Variants in EPAS1 observed in about 807,000 individuals in gnomAD.
The protein encoded by EPAS1 is endothelial PAS domain-containing protein 1.
A neutral mutation model predicts 87.9 loss-of-function variants in EPAS1; 23 were observed. The ratio of observed to expected loss-of-function variants is 0.26; its 90% confidence interval spans 0.19 to 0.37. The LOEUF is 0.37. EPAS1 is among the 10% of genes least tolerant of loss of function. EPAS1 has a pLI of 1.00. For synonymous variants in EPAS1, 508 were observed against 444.3 expected, an observed-to-expected ratio of 1.14 and a Z score of -1.80; for missense variants, 1,138 against 1,120.7, an observed-to-expected ratio of 1.02 and a Z score of -0.22.
In EPAS1 at chr2:46,360,920, C is replaced by T. The variant is rs374214854; in HGVS notation, c.609C>T (p.Asn203=). The change falls in exon 6 of 16, where the codon AAC becomes AAT. Residue 203 remains asparagine (N), a synonymous_variant. Coordinates refer to ENST00000263734, the MANE Select transcript of EPAS1 (RefSeq NM_001430.5). This position sits in a 1 kb window ranked among gnomAD's most constrained non-coding sequence, Gnocchi z 4.5. ...GCACGGGCCAGGTGAAAGTCTACAA[C>T]AACTGCCCTCCTCACAATAGTCTGT... The part of the protein sequence containing the change: ...LHCTGQVKVY[N]NCPPHNSLCG... 6.8e-6 allele frequency: 11 copies of T among 1,614,238 alleles called. No homozygotes were observed. Among genetic ancestry groups the T allele is most frequent in the Non-Finnish European group, 8.5e-6 (10 of 1,180,042 alleles).
At chr2:46,325,342 C>A (rs1025179964) in intron 1 of EPAS1, among the ~76,000 whole-genome samples, 1 of 152,178 alleles carries the variant, frequency 6.6e-6, no homozygotes, top group Admixed American at 6.5e-5. Flanking sequence ...GGAGCAAGAA[C>A]ATACAAAAGA....
At chr2:46,359,556 C>T (rs567125563) in intron 4 of EPAS1, among the ~76,000 whole-genome samples, 1 of 152,280 alleles carries the variant, frequency 6.6e-6, no homozygotes, top group South Asian at 2.1e-4. Context: ...AAAAAATTCA[C>T]TATTCAGTCT....
At chr2:46,310,934 TG>T (rs1683198843) in intron 1 of EPAS1, among the ~76,000 whole-genome samples, 2 of 152,222 alleles carry the variant, frequency 1.3e-5, no homozygotes, top group African/African-American at 4.8e-5. Flanking sequence ...TGGAGTGCAG[TG>T]GCACGATCTT....
chr2:46,323,731 A>AT (rs1002493775), intron 1 of EPAS1, among the ~76,000 whole-genome samples: 12 of 151,788 alleles, frequency 7.9e-5, no homozygotes, highest in African/African-American at 2.2e-4. Context: ...AGAAAGTAAT[A>AT]TTTTTTTTTC....
At chr2:46,305,073 A>G (rs1427566424) in intron 1 of EPAS1, among the ~76,000 whole-genome samples, 1 of 152,200 alleles carries the variant, frequency 6.6e-6, no homozygotes, top group African/African-American at 2.4e-5. Context: ...CGTGTTGGCA[A>G]CTGTGCATCA....
chr2:46,386,301 C>T lies in EPAS1; in HGVS notation c.*1641C>T, dbSNP rs556603674. The T allele has an allele frequency of 6.2e-4, 95 of 152,536 alleles. No individual in the cohort carries two copies. Among genetic ancestry groups the T allele is most frequent in the African/African-American group, 1.7e-3 (69 of 41,518 alleles). 9.4% of individuals were successfully genotyped at this position (152,536 alleles called of 1,614,324 possible). On this transcript the variant is annotated 3_prime_UTR_variant, in exon 16 of 16. Transcript: ENST00000263734. ...CATTGGGCCAACTATTTAGTAAGCCCGGATAGACTTATTGCCAAAAACAAA... is the reference window on the plus strand; with the variant it reads ...CATTGGGCCAACTATTTAGTAAGCCTGGATAGACTTATTGCCAAAAACAAA...
intron 4 of EPAS1, among the ~76,000 whole-genome samples, chr2:46,357,498 G>A (rs183825428): frequency 6.6e-6 from 1 of 152,324 alleles, no homozygotes; most frequent in East Asian, 1.9e-4. Context: ...GCTCCCAGAA[G>A]CACTAAAGTG....
chr2:46,334,033 A>G (rs1470178848), intron 1 of EPAS1, among the ~76,000 whole-genome samples: 1 of 152,116 alleles, frequency 6.6e-6, no homozygotes. Flanking sequence ...CTGTGGACTG[A>G]GCTGAGGCTC....
intron 7 of EPAS1, among the ~76,000 whole-genome samples, chr2:46,374,632 C>G (rs996650259): frequency 1.3e-5 from 2 of 152,210 alleles, no homozygotes; most frequent in Admixed American, 1.3e-4. Flanking sequence ...TTTCCCGATC[C>G]TCCCTCCATG....
At chr2:46,303,178 G>GTAA (rs1683045319) in intron 1 of EPAS1, among the ~76,000 whole-genome samples, 1 of 152,142 alleles carries the variant, frequency 6.6e-6, no homozygotes, top group Non-Finnish European at 1.5e-5. Context: ...AGCATTTCAG[G>GTAA]TAATAACCGC....
chr2:46,375,734 G>T lies in EPAS1; in HGVS notation c.931G>T (p.Ala311Ser), dbSNP rs749317556. 2.5e-6 allele frequency: 4 copies of T among 1,614,210 alleles called. No individual in the cohort carries two copies. Among genetic ancestry groups the T allele is most frequent in the Non-Finnish European group, 3.4e-6 (4 of 1,180,040 alleles). ...QVVSGQYRML[A>S]KHGGYVWLET... is the part of the protein sequence containing the mutation. ...AGTAAGTGGCCAGTACCGGATGCTC[G>T]CAAAGCATGGGGGCTACGTGTGGCT... The change falls in exon 8 of 16, where the codon GCA (alanine) becomes TCA (serine). Residue 311 changes from alanine to serine, a missense_variant. Coordinates refer to ENST00000263734, the MANE Select transcript of EPAS1 (RefSeq NM_001430.5). This position sits in a 1 kb window ranked among gnomAD's most constrained non-coding sequence, Gnocchi z 4.1.
intron 1 of EPAS1, among the ~76,000 whole-genome samples, chr2:46,313,834 A>G (rs1201858511): frequency 6.6e-6 from 1 of 152,206 alleles, no homozygotes; most frequent in Non-Finnish European, 1.5e-5. Context: ...GGGACCATGC[A>G]TTACATGGTT....
intron 1 of EPAS1, among the ~76,000 whole-genome samples, chr2:46,299,704 C>G (rs927960332): frequency 1.3e-5 from 2 of 152,164 alleles, no homozygotes; most frequent in African/African-American, 4.8e-5. Context: ...GCTCCTCCTG[C>G]GCTCCTTAGC....
rs2103684683 is a variant in EPAS1, at chr2:46,385,560, G to A, written c.*900G>A. The A allele has an allele frequency of 6.6e-6, 1 of 152,322 alleles. No homozygotes were observed. The allele number at this position is 152,322 out of a possible 1,614,324, so 9.4% of individuals were successfully genotyped here. ...GTCCAGTGCTCCCACGGCCTGTACGGACACTGTGGAAGGCCTCCCTCTGTC... is the reference window on the plus strand; with the variant it reads ...GTCCAGTGCTCCCACGGCCTGTACGAACACTGTGGAAGGCCTCCCTCTGTC... On this transcript the variant is annotated 3_prime_UTR_variant, in exon 16 of 16. Transcript: ENST00000263734.
intron 1 of EPAS1, among the ~76,000 whole-genome samples, chr2:46,312,970 G>C (rs954040950): frequency 1.3e-5 from 2 of 152,192 alleles, no homozygotes; most frequent in African/African-American, 4.8e-5. Flanking sequence ...AGCTACATCT[G>C]TACCATGTCT....
At position 46,375,965 on chromosome 2, in the gene EPAS1, C is replaced by A; in HGVS notation, c.1034+128C>A. On this transcript the variant is annotated intron_variant, in intron 8 of 15. Coordinates refer to ENST00000263734, the MANE Select transcript of EPAS1 (RefSeq NM_001430.5). This position sits in a 1 kb window ranked among gnomAD's most constrained non-coding sequence, Gnocchi z 4.1. ...GCCCTGGGCACCACCTCAGGGAGGT[C>A]TTGCAGGGCTAACCCTAGTGACTGA... 8.1e-7 allele frequency: 1 copy of A among 1,236,538 alleles called. No homozygotes were observed. The highest frequency in any genetic ancestry group is 1.2e-6 in the Non-Finnish European group (1 of 846,938). The allele number at this position is 1,236,538 out of a possible 1,614,324, so 76.6% of individuals were successfully genotyped here.
At chr2:46,381,332 C>A (rs1416934453) in intron 12 of EPAS1, 2 of 529,548 alleles carry the variant, frequency 3.8e-6, no homozygotes, top group Non-Finnish European at 3.4e-6. Flanking sequence ...GCAGAAGAAA[C>A]CCTCCTAAGG....
At chr2:46,299,748 C>T (rs1052387056) in intron 1 of EPAS1, among the ~76,000 whole-genome samples, 5 of 152,144 alleles carry the variant, frequency 3.3e-5, no homozygotes, top group African/African-American at 1.2e-4. Flanking sequence ...CCGTATATAC[C>T]GAGAAACTTG....
intron 15 of EPAS1, among the ~76,000 whole-genome samples, chr2:46,383,655 G>A (rs1242599989): frequency 2.0e-5 from 3 of 152,206 alleles, no homozygotes; most frequent in East Asian, 1.9e-4. Flanking sequence ...TGAAGCCCAC[G>A]AATTACCTTG....
Sources: allele counts gnomAD v4.1 joint callset (sites outside exome capture counted in the v4.1 genomes callset), GRCh38; gene constraint gnomAD v4.1.1; non-coding constraint Gnocchi (gnomAD v3.1); transcripts MANE v1.5; gene names NCBI Gene and HGNC (gene_info 2026-07-23, HGNC 2026-07-21).